The following INCENP variants were observed in gnomAD, a reference collection of about 807,000 sequenced individuals.
INCENP encodes the protein binds and activates aurora-B and -C in vivo and in vitro.
In INCENP, 43 loss-of-function variants were observed where a neutral mutation model predicts 107.3. The ratio of observed to expected loss-of-function variants is 0.40; its 90% CI spans 0.31 to 0.52. INCENP has a LOEUF of 0.52. Among genes scored for constraint, INCENP ranks in the 20% least tolerant of loss-of-function variants. The probability of loss-of-function intolerance (pLI) is 0.53; values close to 1 mark genes in which losing one functional copy is unlikely to be tolerated. For missense variants in INCENP, 1,089 were observed against 1,250.9 expected (o/e 0.87, Z 1.95); for synonymous variants, 488 against 494.4 (o/e 0.99, Z 0.17).
Position 62,130,559 on chromosome 11 carries a change from C to A in INCENP, c.1032C>A (p.Ala344=). The change falls in exon 4 of 19, where the codon GCC becomes GCA. Residue 344 remains alanine, a synonymous_variant. Transcript: ENST00000394818. ...RASRRLAKKT[A]EEPAASGRII... ...GCAGAAGGCTTGCCAAGAAGACTGC[C>A]GAAGAGCCAGCTGCCTCTGGCCGCA... 6.2e-7 allele frequency: 1 copy of A among 1,613,296 alleles called. No individual in the cohort carries two copies. The highest frequency in any genetic ancestry group is 1.1e-5 in the South Asian group (1 of 91,012).
Position 62,152,300 on chromosome 11 carries a change from G to A in INCENP, c.*324G>A, listed in dbSNP as rs1244007519. On this transcript the variant is annotated 3_prime_UTR_variant, in exon 19 of 19. Coordinates refer to ENST00000394818, the MANE Select transcript of INCENP (RefSeq NM_001040694.2). The stretch of plus-strand genomic sequence containing the variant: ...TCTTTGGCATTTTAGCGTTTGGGAG[G>A]TAGATTAATAAAGTATATTCCTTCA... The A allele has an allele frequency of 5.4e-6, 2 of 371,418 alleles. No homozygotes were observed. Among genetic ancestry groups the A allele is most frequent in the East Asian group, 1.2e-4 (2 of 17,158 alleles). The allele number at this position is 371,418 out of a possible 1,614,324, so 23.0% of individuals were successfully genotyped here. A position where few individuals can be genotyped will look rare whatever the true frequency, so the allele number is the denominator to read the frequency against.
Position 62,140,734 on chromosome 11 carries a change from TG to T in INCENP, c.1375del (p.Glu459SerfsTer48). ...AGCGCAGCTACAAGCAGGCCGTGAG[TG>T]AGCTGGACGAGGAGCAGCACCTGGA... ...RKRSYKQAVS[E>X]LDEEQHLEDE... On this transcript the variant is annotated frameshift_variant, in exon 9 of 19. Coordinates refer to ENST00000394818, the MANE Select transcript of INCENP (RefSeq NM_001040694.2). The T allele has an allele frequency of 6.3e-7, 1 of 1,594,812 alleles. No individual in the cohort carries two copies.
intron 11 of INCENP, 46 bp downstream of exon 11, chr11:62,141,557 T>C (rs1185867392): frequency 1.2e-6 from 2 of 1,612,160 alleles, no homozygotes; most frequent in South Asian, 2.2e-5. Context: ...CACCTAGCAC[T>C]CACCCGCTGT....
chr11:62,144,929 G>C (rs1404644558), intron 11 of INCENP, 53 bp from the exon 12 acceptor site: 2 of 1,507,808 alleles, frequency 1.3e-6, no homozygotes, highest in African/African-American at 2.8e-5. Flanking sequence ...TTGGGGCTGG[G>C]TGGGGGGTCG....
intron 11 of INCENP, among the ~76,000 whole-genome samples, chr11:62,144,301 C>T (rs1944188115): frequency 6.7e-6 from 1 of 149,090 alleles, no homozygotes; most frequent in Non-Finnish European, 1.5e-5. Flanking sequence ...CATTGCACTC[C>T]AGCCTGGGTG....
At chr11:62,147,654 C>T (rs2868772) in intron 15 of INCENP, among the ~76,000 whole-genome samples, 27 of 152,242 alleles carry the variant, frequency 1.8e-4, no homozygotes, top group Admixed American at 1.0e-3. Context: ...TGGGAAACAC[C>T]GGGCAGCACG....
Position 62,129,995 on chromosome 11 carries a change from C to T in INCENP, c.468C>T (p.Pro156=), listed in dbSNP as rs776717731. 4.3e-6 allele frequency: 7 copies of T among 1,613,982 alleles called. No individual in the cohort carries two copies. Among genetic ancestry groups the T allele is most frequent in the African/African-American group, 2.7e-5 (2 of 74,900 alleles). Residue 156 remains proline (P), a synonymous_variant, in exon 4 of 19, where the codon CCC becomes CCT. Transcript: ENST00000394818. ...PESPTMLTKK[P]EDNHTQCQLV... ...CTCCCACGATGCTGACTAAGAAGCC[C>T]GAGGATAACCACACCCAGTGCCAGC...
chr11:62,132,589 G>A (rs1943914402), intron 4 of INCENP, among the ~76,000 whole-genome samples: 1 of 152,222 alleles, frequency 6.6e-6, no homozygotes, highest in African/African-American at 2.4e-5. Context: ...TCAAGCGGGG[G>A]CAGGTGAGCC....
chr11:62,130,323 C>T lies in INCENP; in HGVS notation c.796C>T (p.Pro266Ser), dbSNP rs1400226503. 3.1e-6 allele frequency: 5 copies of T among 1,611,524 alleles called. No homozygotes were observed. The highest frequency in any genetic ancestry group is 4.2e-6 in the Non-Finnish European group (5 of 1,179,958). ...CAGGATTGCGCAGGTCTCCCCTGGC[C>T]CACGGGACTCGCCAGCCTTTCCAGA... ...KLRIAQVSPGPRDSPAFPDSP... is the reference protein window; with the variant it reads ...KLRIAQVSPGSRDSPAFPDSP... The change falls in exon 4 of 19, where the codon CCA (proline) becomes TCA (serine). Residue 266 changes from proline (P) to serine (S), a missense_variant. Transcript: ENST00000394818.
chr11:62,144,666 T>G (rs775664360), intron 11 of INCENP: 1 of 640,552 alleles, frequency 1.6e-6, no homozygotes, highest in Non-Finnish European at 2.9e-6. Flanking sequence ...ATGCACAGTT[T>G]ATGTAGTTGT....
intron 1 of INCENP, among the ~76,000 whole-genome samples, chr11:62,126,379 G>A (rs963453935): frequency 1.3e-5 from 2 of 152,082 alleles, no homozygotes; most frequent in African/African-American, 2.4e-5. Flanking sequence ...TGTATCTTTA[G>A]TAGAGACTGG....
At chr11:62,141,114 G>A in intron 10 of INCENP, 70 bp downstream of exon 10, 2 of 1,545,670 alleles carry the variant, frequency 1.3e-6, no homozygotes, top group East Asian at 2.4e-5. Context: ...AGTCTGTCCT[G>A]TAAGATACTG....
intron 11 of INCENP, 39 bp downstream of exon 11, chr11:62,141,550 C>G: frequency 1.2e-6 from 2 of 1,613,456 alleles, no homozygotes; most frequent in Non-Finnish European, 1.7e-6. Context: ...CTCGCCCCAC[C>G]TAGCACTCAC....
Position 62,139,066 on chromosome 11 carries a change from G to A in INCENP, c.1291+61G>A, listed in dbSNP as rs11230922. ...AGCCACAGCGGGCCTTGGCGGCCTC[G>A]GCCTGACCTTCTCTCTGGGGATAAG... On this transcript the variant is annotated intron_variant, in intron 7 of 18. Transcript: ENST00000394818. The A allele has an allele frequency of 0.24, 284,774 of 1,192,226 alleles. 37,322 individuals are homozygous for A. Among genetic ancestry groups the A allele is most frequent in the South Asian group, 0.41 (33,955 of 82,914 alleles). 73.9% of individuals were successfully genotyped at this position (1,192,226 alleles called of 1,614,324 possible). A position where few individuals can be genotyped will look rare whatever the true frequency, so the allele number is the denominator to read the frequency against.
chr11:62,148,694 G>T, intron 16 of INCENP, 45 bp from the exon 17 acceptor site: 1 of 1,461,702 alleles, frequency 6.8e-7, no homozygotes. Context: ...GGAGGGAAGG[G>T]CACCTGCACA....
intron 4 of INCENP, among the ~76,000 whole-genome samples, chr11:62,134,818 G>A (rs184480625): frequency 2.6e-5 from 4 of 152,320 alleles, no homozygotes; most frequent in Non-Finnish European, 5.9e-5. Context: ...TTGGGAGGCC[G>A]AGGTGGGCAG....
chr11:62,138,601 G>A, intron 5 of INCENP, 112 bp from the exon 6 acceptor site: 3 of 980,070 alleles, frequency 3.1e-6, no homozygotes, highest in Non-Finnish European at 4.6e-6. Flanking sequence ...CCTGGCCAGG[G>A]CACCTTGTGT....
chr11:62,130,525 G>T lies in INCENP; in HGVS notation c.998G>T (p.Arg333Leu), dbSNP rs767748224. ...GTGGCCAAACAGGAAAGTGTTGTCC[G>T]CAGGGCGAGCAGAAGGCTTGCCAAG... ...SLVAKQESVV[R>L]RASRRLAKKT... is the part of the protein sequence containing the mutation. Residue 333 changes from arginine (R) to leucine (L), a missense_variant, in exon 4 of 19, where the codon CGC becomes CTC. Arg to Leu is a moderately radical substitution (Grantham distance 102, BLOSUM62 -2). Transcript: ENST00000394818. 1 of 1,614,014 alleles carries T rather than the reference G, an allele frequency of 6.2e-7. No homozygotes were observed. Among genetic ancestry groups the T allele is most frequent in the African/African-American group, 1.3e-5 (1 of 75,068 alleles).
chr11:62,141,670 G>C, intron 11 of INCENP, 159 bp downstream of exon 11: 1 of 967,654 alleles, frequency 1.0e-6, no homozygotes, highest in Non-Finnish European at 1.6e-6. Context: ...TGCACTGGCT[G>C]GAGGCGCCCA....
Sources: allele counts gnomAD v4.1 joint callset (sites outside exome capture counted in the v4.1 genomes callset), GRCh38; gene constraint gnomAD v4.1.1; transcripts MANE v1.5; gene names NCBI Gene and HGNC (gene_info 2026-07-23, HGNC 2026-07-21).